Variants in NBPF3 observed in about 807,000 individuals in gnomAD.
NBPF3 encodes the protein NBPF member 3.
Under a neutral mutation model 78.1 loss-of-function variants are expected in NBPF3, and 57 were observed. That is an observed-to-expected ratio of 0.73 (90% CI 0.59 to 0.91). The LOEUF (loss-of-function observed/expected upper bound fraction) is 0.91, where lower values mean the gene tolerates loss of function less well. NBPF3 is among the 40% of genes least tolerant of loss of function. The pLI is 0.00. For missense variants in NBPF3, 510 were observed against 715.3 expected (o/e 0.71, Z 3.27); for synonymous variants, 182 against 271.7 (o/e 0.67, Z 3.25).
At chr1:21,467,574 G>A (rs1167423741) in intron 2 of NBPF3, among the ~76,000 whole-genome samples, 1 of 152,148 alleles carries the variant, frequency 6.6e-6, no homozygotes, top group Non-Finnish European at 1.5e-5. Context: ...CCAACCCAAC[G>A]AAATAGATAT....
chr1:21,470,636 T>C lies in NBPF3; in HGVS notation c.348T>C (p.Tyr116=). The C allele has an allele frequency of 6.3e-7, 1 of 1,592,652 alleles. No individual in the cohort carries two copies. The highest frequency in any genetic ancestry group is 8.6e-7 in the Non-Finnish European group (1 of 1,165,912). The change falls in exon 4 of 15, where the codon TAT becomes TAC. Residue 116 remains tyrosine (Y), a synonymous_variant. Transcript: ENST00000318249. ...GGCGTGTGTGTCTTTTCTCAGACTA[T>C]GAAGACTGCAAAGACCTCATAAAAT... is the stretch of plus-strand genomic sequence containing the variant. ...FLANRQNNYD[Y]EDCKDLIKSM...
chr1:21,443,696 C>G (rs540500361), intron 1 of NBPF3, among the ~76,000 whole-genome samples: 12 of 152,148 alleles, frequency 7.9e-5, no homozygotes, highest in Admixed American at 7.2e-4. Context: ...TCTCTGCAGC[C>G]TTGATCTCTC....
At chr1:21,451,838 C>A in intron 2 of NBPF3, 1 of 460,714 alleles carries the variant, frequency 2.2e-6, no homozygotes, top group Non-Finnish European at 3.0e-6. Flanking sequence ...GTAAGATTTA[C>A]TAGTTGGGAA....
At chr1:21,475,875 T>TA (rs1416069346) in intron 8 of NBPF3, among the ~76,000 whole-genome samples, 1 of 152,188 alleles carries the variant, frequency 6.6e-6, no homozygotes, top group African/African-American at 2.4e-5. Flanking sequence ...AGTGGGGTGT[T>TA]AAAGTCCCCC....
In NBPF3 at chr1:21,474,957, G is replaced by A. The variant is rs1311405757; in HGVS notation, c.992+6G>A. On this transcript the variant is annotated splice_donor_region_variant and intron_variant, in intron 8 of 14. Coordinates refer to ENST00000318249, the MANE Select transcript of NBPF3 (RefSeq NM_032264.6). ...AAAGGGCCAGTGTCTCCCAGGTAATGCCATGGAATTGTGGGCTGTTAATTC... is the reference window on the plus strand; with the variant it reads ...AAAGGGCCAGTGTCTCCCAGGTAATACCATGGAATTGTGGGCTGTTAATTC... 1.2e-6 allele frequency: 2 copies of A among 1,600,730 alleles called. No individual in the cohort carries two copies. The highest frequency in any genetic ancestry group is 2.2e-5 in the South Asian group (2 of 90,968).
At chr1:21,457,981 C>T (rs1213082581) in intron 2 of NBPF3, among the ~76,000 whole-genome samples, 1 of 152,204 alleles carries the variant, frequency 6.6e-6, no homozygotes, top group Non-Finnish European at 1.5e-5. Context: ...ACCTTCTAAG[C>T]TATATGTGTA....
chr1:21,469,083 C>T lies in NBPF3; in HGVS notation c.343+186C>T, dbSNP rs555059694. Among the ~76,000 whole-genome samples the T allele has an allele frequency of 2.2e-4, 34 of 152,184 alleles. 1 individual carries two copies. In the South Asian group the frequency reaches 6.8e-3, roughly 31 times the overall value. ...GGTACCAAAGTATTTAGCAACTTTC[C>T]ATGTTTGCAGTCAGGTGGGGGTGGG... is the stretch of plus-strand genomic sequence containing the variant. On this transcript the variant is annotated intron_variant, in intron 3 of 14. Coordinates refer to ENST00000318249, the MANE Select transcript of NBPF3 (RefSeq NM_032264.6).
chr1:21,464,560 T>C (rs1368536989), intron 2 of NBPF3, among the ~76,000 whole-genome samples: 2 of 152,078 alleles, frequency 1.3e-5, no homozygotes, highest in African/African-American at 4.8e-5. Context: ...TTTTGGAATA[T>C]GGTAAAAGAC....
rs1243966074 is a variant in NBPF3 at position 21,478,313 on chromosome 1, T to A, written c.1156+6T>A. 2 of 1,612,404 alleles carry A rather than the reference T, an allele frequency of 1.2e-6. No individual in the cohort carries two copies. The highest frequency in any genetic ancestry group is 1.7e-6 in the Non-Finnish European group (2 of 1,179,050). Reference sequence around the variant, plus strand: ...CTTGGCTCTTGACATAGGCAGTGAGTACTCCATTTTGAAGGTGATAAAGCT... The same window carrying A: ...CTTGGCTCTTGACATAGGCAGTGAGAACTCCATTTTGAAGGTGATAAAGCT... On this transcript the variant is annotated splice_donor_region_variant and intron_variant, in intron 9 of 14. Coordinates refer to ENST00000318249, the MANE Select transcript of NBPF3 (RefSeq NM_032264.6).
rs1341112198 is a variant in NBPF3, at chr1:21,460,443, C to T, written c.134-8245C>T. The stretch of plus-strand genomic sequence containing the variant: ...CCTGTGTCCAAGTGTTCTCATTGTT[C>T]AGTTCCCATCCATGAGTGAGAACGT... On this transcript the variant is annotated intron_variant, in intron 2 of 14. Transcript: ENST00000318249. This position sits in a 1 kb window ranked among gnomAD's most constrained non-coding sequence, Gnocchi z 4.2. Among the ~76,000 whole-genome samples, 1 of 152,156 alleles carries T rather than the reference C, an allele frequency of 6.6e-6. No individual in the cohort carries two copies. Among genetic ancestry groups the T allele is most frequent in the East Asian group, 1.9e-4 (1 of 5,198 alleles).
intron 6 of NBPF3, 72 bp downstream of exon 6, chr1:21,472,987 T>G: frequency 2.6e-6 from 3 of 1,169,862 alleles, no homozygotes; most frequent in Non-Finnish European, 3.9e-6. Context: ...ACACCCTCTC[T>G]GGCATCTATG....
At chr1:21,454,221 A>G (rs866418460) in intron 2 of NBPF3, 12 of 152,252 alleles carry the variant, frequency 7.9e-5, no homozygotes, top group African/African-American at 2.4e-4. Flanking sequence ...TCCTGTGTCA[A>G]CTGTGACTTT....
At chr1:21,456,972 C>A (rs1641637149) in intron 2 of NBPF3, among the ~76,000 whole-genome samples, 1 of 152,192 alleles carries the variant, frequency 6.6e-6, no homozygotes, top group South Asian at 2.1e-4. Flanking sequence ...TCCTAGAAAT[C>A]TGCAAAAATC....
At chr1:21,465,025 A>AAAAT (rs869209314) in intron 2 of NBPF3, among the ~76,000 whole-genome samples, 1 of 136,144 alleles carries the variant, frequency 7.3e-6, no homozygotes, top group Non-Finnish European at 1.6e-5. Flanking sequence ...AAAAAAAAAA[A>AAAAT]AAAGCATCTC....
At chr1:21,443,196 A>T (rs1181792359) in intron 1 of NBPF3, among the ~76,000 whole-genome samples, 1 of 152,226 alleles carries the variant, frequency 6.6e-6, no homozygotes. Context: ...AATAAAATTT[A>T]AAAAATAAGT....
intron 2 of NBPF3, among the ~76,000 whole-genome samples, chr1:21,457,447 AACAAC>A (rs1431521415): frequency 6.6e-6 from 1 of 151,494 alleles, no homozygotes; most frequent in African/African-American, 2.4e-5. Context: ...TCTAATAAGA[AACAAC>A]ACAATGAAAC....
intron 3 of NBPF3, among the ~76,000 whole-genome samples, 193 bp from the exon 4 acceptor site, chr1:21,470,439 C>T (rs1440164118): frequency 6.6e-6 from 1 of 152,170 alleles, no homozygotes; most frequent in East Asian, 1.9e-4. Flanking sequence ...AGTTTCTCTT[C>T]GTCTCTAAAT....
At chr1:21,467,458 A>G (rs1215746587) in intron 2 of NBPF3, 5 of 452,874 alleles carry the variant, frequency 1.1e-5, no homozygotes, top group Admixed American at 6.4e-5. Context: ...CTCATCTCAA[A>G]CTCACCCTCT....
At chr1:21,454,896 T>G (rs988108845) in intron 2 of NBPF3, among the ~76,000 whole-genome samples, 1 of 152,092 alleles carries the variant, frequency 6.6e-6, no homozygotes, top group Non-Finnish European at 1.5e-5. Flanking sequence ...TCGCTGGGTC[T>G]TCTTCTCAGG....
Sources: gnomAD v4.1 joint callset for allele counts (sites outside exome capture counted in the v4.1 genomes callset) on GRCh38, gnomAD v4.1.1 for gene constraint, Gnocchi (gnomAD v3.1) non-coding constraint, MANE v1.5 for transcripts, NCBI Gene and HGNC (gene_info 2026-07-23, HGNC 2026-07-21) for gene names.